Variants in STAT1 observed in about 807,000 individuals in gnomAD.
STAT1 encodes signal transducer and activator of transcription 1.
Under a neutral mutation model 111.7 loss-of-function variants are expected in STAT1, and 24 were observed. The observed-to-expected ratio is 0.21, with a 90% CI of 0.16 to 0.30. The LOEUF (loss-of-function observed/expected upper bound fraction) is 0.30, where lower values mean the gene tolerates loss of function less well. STAT1 is among the 10% of genes least tolerant of loss of function. The pLI is 1.00. For missense variants in STAT1, 351 were observed against 911.9 expected (o/e 0.38, Z 7.92); for synonymous variants, 332 against 326.5 (o/e 1.02, Z -0.18).
Position 190,977,617 on chromosome 2 carries a change from C to T in STAT1, c.1874-592G>A, listed in dbSNP as rs977367442. On this transcript the variant is annotated intron_variant, in intron 21 of 24. Transcript: ENST00000361099. The surrounding 1 kb of genome is among the most constrained non-coding windows in gnomAD (Gnocchi z 4.7). The stretch of plus-strand genomic sequence containing the variant: ...TCTTCCTAGCTGATACAGAATCTCC[C>T]TTTGGGTGTCGACCTTCCAGAGGCC... Among the ~76,000 whole-genome samples the T allele has an allele frequency of 6.6e-6, 1 of 152,156 alleles. No individual in the cohort carries two copies. Among genetic ancestry groups the T allele is most frequent in the Non-Finnish European group, 1.5e-5 (1 of 68,020 alleles).
rs1399228658 is a variant in STAT1, at chr2:190,983,042, A to G, written c.1447-524T>C. 6.6e-6 allele frequency among the ~76,000 whole-genome samples: 1 copy of G among 152,208 alleles called. No individual in the cohort carries two copies. Among genetic ancestry groups the G allele is most frequent in the Non-Finnish European group, 1.5e-5 (1 of 68,034 alleles). ...GGGATGTGCCTTATGGAGAAAATAC[A>G]TGTGTGAGGCAAGCTTCACTCAGGC... is the stretch of plus-strand genomic sequence containing the variant. On this transcript the variant is annotated intron_variant, in intron 17 of 24. Transcript: ENST00000361099. This position sits in a 1 kb window ranked among gnomAD's most constrained non-coding sequence, Gnocchi z 5.7.
At chr2:191,010,709 T>C (rs1695055116) in intron 2 of STAT1, among the ~76,000 whole-genome samples, 1 of 152,260 alleles carries the variant, frequency 6.6e-6, no homozygotes, top group African/African-American at 2.4e-5. Flanking sequence ...TAAAAAGATA[T>C]ATTTTCTTCT....
Position 190,980,501 on chromosome 2 carries a change from G to T in STAT1, c.1632+119C>A. The T allele has an allele frequency of 1.6e-6, 2 of 1,221,646 alleles. No homozygotes were observed. The highest frequency in any genetic ancestry group is 2.4e-6 in the Non-Finnish European group (2 of 826,576). The allele number at this position is 1,221,646 out of a possible 1,614,324, so 75.7% of individuals were successfully genotyped here. Reference sequence around the variant, plus strand: ...AACAACTTGCCCGAGGGGCTCCTTGGCCAGAGAAGAACACGCCAAAATAAG... The same window carrying T: ...AACAACTTGCCCGAGGGGCTCCTTGTCCAGAGAAGAACACGCCAAAATAAG... On this transcript the variant is annotated intron_variant, in intron 19 of 24. Coordinates refer to ENST00000361099, the MANE Select transcript of STAT1 (RefSeq NM_007315.4). The surrounding 1 kb of genome is among the most constrained non-coding windows in gnomAD (Gnocchi z 6.1).
chr2:190,980,848 G>A lies in STAT1; in HGVS notation c.1583-179C>T, dbSNP rs955491984. Among the ~76,000 whole-genome samples, 5 of 152,158 alleles carry A rather than the reference G, an allele frequency of 3.3e-5. No homozygotes were observed. The highest frequency in any genetic ancestry group is 1.9e-4 in the East Asian group (1 of 5,200). On this transcript the variant is annotated intron_variant, in intron 18 of 24. Transcript: ENST00000361099. The surrounding 1 kb of genome is among the most constrained non-coding windows in gnomAD (Gnocchi z 6.1). ...CAAATTAACTGAGCAATTATAATAC[G>A]TGCTGTAAGAGGGCGGAATTTAAAT...
Position 190,975,760 on chromosome 2 carries a change from A to G in STAT1, c.2135+52T>C, listed in dbSNP as rs201391478. Reference sequence around the variant, plus strand: ...GCATCTTCAACAGGCCCCAGCCAGGAGCAAGGCTGGCTTGAGGTTTGTAAA... The same window carrying G: ...GCATCTTCAACAGGCCCCAGCCAGGGGCAAGGCTGGCTTGAGGTTTGTAAA... On this transcript the variant is annotated intron_variant, in intron 23 of 24. Transcript: ENST00000361099. The surrounding 1 kb of genome is among the most constrained non-coding windows in gnomAD (Gnocchi z 5.9). 14 of 1,612,588 alleles carry G rather than the reference A, an allele frequency of 8.7e-6. No individual in the cohort carries two copies. In the Admixed American group the frequency reaches 1.5e-4, roughly 17 times the overall value.
In STAT1 at chr2:190,977,144, C is replaced by G; in HGVS notation, c.1874-119G>C. 1 of 950,954 alleles carries G rather than the reference C, an allele frequency of 1.1e-6. No homozygotes were observed. Among genetic ancestry groups the G allele is most frequent in the Non-Finnish European group, 1.7e-6 (1 of 595,554 alleles). 58.9% of individuals were successfully genotyped at this position (950,954 alleles called of 1,614,324 possible). On this transcript the variant is annotated intron_variant, in intron 21 of 24. Coordinates refer to ENST00000361099, the MANE Select transcript of STAT1 (RefSeq NM_007315.4). The surrounding 1 kb of genome is among the most constrained non-coding windows in gnomAD (Gnocchi z 4.7). The stretch of plus-strand genomic sequence containing the variant: ...GAACCTCATAAGAACTAATCACAAT[C>G]TAAGCATTATAACATATACAGTAGA...
chr2:190,974,768 C>A lies in STAT1; in HGVS notation c.2238+62G>T. 6.9e-7 allele frequency: 1 copy of A among 1,443,510 alleles called. No individual in the cohort carries two copies. 89.4% of individuals were successfully genotyped at this position (1,443,510 alleles called of 1,614,324 possible). On this transcript the variant is annotated intron_variant, in intron 24 of 24. Transcript: ENST00000361099. This position sits in a 1 kb window ranked among gnomAD's most constrained non-coding sequence, Gnocchi z 4.8. ...CAGGCCCGGGATCTGCCATGGTGCG[C>A]TCCCTGCCTCTGAGCACACACACTT...
In STAT1 at chr2:190,976,770, G is replaced by T; in HGVS notation, c.2059+70C>A. 2.2e-6 allele frequency: 3 copies of T among 1,381,754 alleles called. No individual in the cohort carries two copies. Among genetic ancestry groups the T allele is most frequent in the Non-Finnish European group, 3.1e-6 (3 of 969,600 alleles). The allele number at this position is 1,381,754 out of a possible 1,614,324, so 85.6% of individuals were successfully genotyped here. A position where few individuals can be genotyped will look rare whatever the true frequency, so the allele number is the denominator to read the frequency against. ...GAAAGCAAAACACTGCATGGGTGGAGTTTCAGAATAATCACCCCCTCATCA... is the reference window on the plus strand; with the variant it reads ...GAAAGCAAAACACTGCATGGGTGGATTTTCAGAATAATCACCCCCTCATCA... On this transcript the variant is annotated intron_variant, in intron 22 of 24. Coordinates refer to ENST00000361099, the MANE Select transcript of STAT1 (RefSeq NM_007315.4). This position sits in a 1 kb window ranked among gnomAD's most constrained non-coding sequence, Gnocchi z 6.0.
Position 190,977,374 on chromosome 2 carries a change from G to T in STAT1, c.1874-349C>A, listed in dbSNP as rs1691985541. ...AACTTACTACTAAGTGGATCATCTT[G>T]GCTTAAGCCACAGATTTAAATTACT... On this transcript the variant is annotated intron_variant, in intron 21 of 24. Transcript: ENST00000361099. The surrounding 1 kb of genome is among the most constrained non-coding windows in gnomAD (Gnocchi z 4.7). Among the ~76,000 whole-genome samples, 2 of 152,012 alleles carry T rather than the reference G, an allele frequency of 1.3e-5. No homozygotes were observed. Among genetic ancestry groups the T allele is most frequent in the Middle Eastern group, 3.2e-3 (1 of 314 alleles).
intron 14 of STAT1, 90 bp from the exon 15 acceptor site, chr2:190,985,750 A>G (rs1037465532): frequency 1.5e-6 from 2 of 1,345,666 alleles, no homozygotes; most frequent in Admixed American, 1.7e-5. Context: ...TTAGGACTAG[A>G]AAGAATGACA....
At position 190,975,052 on chromosome 2, in the gene STAT1, G is replaced by GT; in HGVS notation, c.2136-121dup. ...TTATCACGTTATATTTTTATTTTGG[G>GT]TAAGTGCATACACTTGTAAAATACA... On this transcript the variant is annotated intron_variant, in intron 23 of 24. Transcript: ENST00000361099. The surrounding 1 kb of genome is among the most constrained non-coding windows in gnomAD (Gnocchi z 5.9). The GT allele has an allele frequency of 1.2e-6, 1 of 855,454 alleles. No homozygotes were observed. The highest frequency in any genetic ancestry group is 1.9e-6 in the Non-Finnish European group (1 of 514,508). The allele number at this position is 855,454 out of a possible 1,614,324, so 53.0% of individuals were successfully genotyped here.
rs1363094428 is a variant in STAT1, at chr2:190,975,992, T to G, written c.2060-105A>C. ...AAGTTCTACTGTGTTTCTAGACAGC[T>G]TAGCCTCCTAAAACTTTAAGGAGCT... On this transcript the variant is annotated intron_variant, in intron 22 of 24. Transcript: ENST00000361099. This position sits in a 1 kb window ranked among gnomAD's most constrained non-coding sequence, Gnocchi z 5.9. The G allele has an allele frequency of 1.3e-5, 13 of 1,032,548 alleles. No individual in the cohort carries two copies. Among genetic ancestry groups the G allele is most frequent in the Non-Finnish European group, 1.9e-5 (13 of 672,846 alleles). The allele number at this position is 1,032,548 out of a possible 1,614,324, so 64.0% of individuals were successfully genotyped here. A position where few individuals can be genotyped will look rare whatever the true frequency, so the allele number is the denominator to read the frequency against.
At position 190,972,487 on chromosome 2, in the gene STAT1, C is replaced by T. The variant is rs189427556; in HGVS notation, c.2239-1770G>A. 2.1e-3 allele frequency among the ~76,000 whole-genome samples: 326 copies of T among 152,292 alleles called. 4 individuals carry two copies. The South Asian group carries it at 0.025, about 12-fold the overall frequency. ...CTGTTGCTCCTGAGGCTGCACCAGG[C>T]GTTGGCCCCTGGTACCACCCTCTTT... On this transcript the variant is annotated intron_variant, in intron 24 of 24. Coordinates refer to ENST00000361099, the MANE Select transcript of STAT1 (RefSeq NM_007315.4).
intron 10 of STAT1, among the ~76,000 whole-genome samples, chr2:190,994,119 T>C (rs1184693111): frequency 6.6e-6 from 1 of 152,182 alleles, no homozygotes; most frequent in African/African-American, 2.4e-5. Context: ...GATACAATTT[T>C]GAAAGCAGGT....
chr2:190,977,253 T>G lies in STAT1; in HGVS notation c.1874-228A>C, dbSNP rs1691976688. ...TTCTCAATAACATTCTATTTGCCAT[T>G]ATTTGCTTAGATTTATAAATCTGGG... On this transcript the variant is annotated intron_variant, in intron 21 of 24. Coordinates refer to ENST00000361099, the MANE Select transcript of STAT1 (RefSeq NM_007315.4). This position sits in a 1 kb window ranked among gnomAD's most constrained non-coding sequence, Gnocchi z 4.7. Among the ~76,000 whole-genome samples the G allele has an allele frequency of 6.6e-6, 1 of 152,226 alleles. No homozygotes were observed. The highest frequency in any genetic ancestry group is 1.5e-5 in the Non-Finnish European group (1 of 68,034).
rs189188567 is a variant in STAT1, at chr2:191,013,555, G to A, written c.-32C>T. 8 of 398,468 alleles carry A rather than the reference G, an allele frequency of 2.0e-5. No individual in the cohort carries two copies. In the East Asian group the frequency reaches 2.9e-4, roughly 14 times the overall value. The allele number at this position is 398,468 out of a possible 1,614,324, so 24.7% of individuals were successfully genotyped here. ...ACCTTGTGCCCCAACAAGGGCCTGG[G>A]GATTCAACCAAAGGAGCAGCTACGC... On this transcript the variant is annotated 5_prime_UTR_variant, in exon 2 of 25. Transcript: ENST00000361099.
rs1205162602 is a variant in STAT1, at chr2:190,981,682, T to C, written c.1582+701A>G. Among the ~76,000 whole-genome samples the C allele has an allele frequency of 2.6e-5, 4 of 152,232 alleles. No individual in the cohort carries two copies. Among genetic ancestry groups the C allele is most frequent in the Non-Finnish European group, 4.4e-5 (3 of 68,044 alleles). ...AGAGCCTACTGCTGTTTGGAGTAAA[T>C]GCAGTGCTGCTCTACAGAAAGCAAA... is the stretch of plus-strand genomic sequence containing the variant. On this transcript the variant is annotated intron_variant, in intron 18 of 24. Coordinates refer to ENST00000361099, the MANE Select transcript of STAT1 (RefSeq NM_007315.4). This position sits in a 1 kb window ranked among gnomAD's most constrained non-coding sequence, Gnocchi z 4.1.
rs1013138869 is a variant in STAT1, at chr2:190,985,796, C to G, written c.1222-136G>C. On this transcript the variant is annotated intron_variant, in intron 14 of 24. Coordinates refer to ENST00000361099, the MANE Select transcript of STAT1 (RefSeq NM_007315.4). ...TATCTTTAGAATGCAGAACATGGGA[C>G]AAATTGGCCCTCGTTCAGGGTCCAT... 4.2e-6 allele frequency: 4 copies of G among 954,350 alleles called. No homozygotes were observed. The Admixed American group carries it at 6.0e-5, about 14-fold the overall frequency. 59.1% of individuals were successfully genotyped at this position (954,350 alleles called of 1,614,324 possible).
In STAT1 at chr2:190,982,549, T is replaced by C. The variant is rs772519324; in HGVS notation, c.1447-31A>G. ...GAGAAAACACCCAAAATCTAAGGGT[T>C]ACTACAGAGACACCAGTCACAAGTG... is the stretch of plus-strand genomic sequence containing the variant. On this transcript the variant is annotated intron_variant, in intron 17 of 24. Coordinates refer to ENST00000361099, the MANE Select transcript of STAT1 (RefSeq NM_007315.4). The surrounding 1 kb of genome is among the most constrained non-coding windows in gnomAD (Gnocchi z 7.3). 1.9e-6 allele frequency: 3 copies of C among 1,613,500 alleles called. No homozygotes were observed. The Admixed American group carries it at 5.0e-5, about 27-fold the overall frequency.
Sources: gnomAD v4.1 joint callset for allele counts (sites outside exome capture counted in the v4.1 genomes callset) on GRCh38, gnomAD v4.1.1 for gene constraint, Gnocchi (gnomAD v3.1) non-coding constraint, MANE v1.5 for transcripts, NCBI Gene and HGNC (gene_info 2026-07-23, HGNC 2026-07-21) for gene names.